Variants in USP45 observed in about 807,000 individuals in gnomAD.
USP45 encodes the protein ubiquitin specific peptidase 45.
USP45 carries 89 observed loss-of-function variants against 95.8 expected under a neutral mutation model. The observed-to-expected ratio is 0.93, with a 90% CI of 0.78 to 1.11. The LOEUF (loss-of-function observed/expected upper bound fraction) is 1.11. USP45 is among the 50% of genes least tolerant of loss of function. The pLI, the probability that USP45 is intolerant of heterozygous loss-of-function variation, is 0.00. For synonymous variants in USP45, 281 were observed against 316.2 expected (o/e 0.89, Z 1.18); for missense variants, 898 against 942.5 (o/e 0.95, Z 0.62).
intron 13 of USP45, among the ~76,000 whole-genome samples, chr6:99,451,546 G>C (rs1783838064): frequency 6.6e-6 from 1 of 152,158 alleles, no homozygotes; most frequent in African/African-American, 2.4e-5. Context: ...GAAACAAATG[G>C]AAGAACCTTC....
intron 8 of USP45, among the ~76,000 whole-genome samples, chr6:99,481,588 G>T (rs549085118): frequency 7.2e-5 from 11 of 152,214 alleles, no homozygotes; most frequent in African/African-American, 2.6e-4. Flanking sequence ...GTGATGCAAA[G>T]GTCCGGAGTA....
intron 4 of USP45, among the ~76,000 whole-genome samples, chr6:99,506,432 C>G (rs1372870862): frequency 6.6e-6 from 1 of 152,200 alleles, no homozygotes; most frequent in African/African-American, 2.4e-5. Flanking sequence ...CCTCAACCTC[C>G]TGAGCAGCTG....
chr6:99,450,441 G>T (rs1317895418), intron 13 of USP45, among the ~76,000 whole-genome samples: 1 of 152,090 alleles, frequency 6.6e-6, no homozygotes, highest in African/African-American at 2.4e-5. Context: ...TAGAAGAAAT[G>T]GATAAATTCC....
intron 5 of USP45, chr6:99,501,972 G>C (rs1176967376): frequency 7.7e-7 from 1 of 1,303,388 alleles, no homozygotes; most frequent in Non-Finnish European, 1.0e-6. Context: ...CCCCTAGACA[G>C]TTTATGCTGA....
chr6:99,511,292 C>G (rs1467255249), intron 1 of USP45, among the ~76,000 whole-genome samples: 1 of 151,978 alleles, frequency 6.6e-6, no homozygotes, highest in Admixed American at 6.6e-5. Flanking sequence ...GCTGGGATTA[C>G]AGGCGTGTGC....
At chr6:99,454,978 T>C (rs966217437) in intron 13 of USP45, among the ~76,000 whole-genome samples, 3 of 151,474 alleles carry the variant, frequency 2.0e-5, no homozygotes, top group Non-Finnish European at 2.9e-5. Flanking sequence ...TAATGCCAGC[T>C]ACTCGGGAGG....
chr6:99,448,603 C>T lies in USP45; in HGVS notation c.1309-2140G>A, dbSNP rs554866433. Among the ~76,000 whole-genome samples the T allele has an allele frequency of 1.1e-4, 17 of 152,258 alleles. No homozygotes were observed. The South Asian group carries it at 3.5e-3, about 32-fold the overall frequency. Reference sequence around the variant, plus strand: ...GACAGGGAGAATGGAAAACACTCTGCAGGATATTATCCAGGAGAACTTCCC... The same window carrying T: ...GACAGGGAGAATGGAAAACACTCTGTAGGATATTATCCAGGAGAACTTCCC... On this transcript the variant is annotated intron_variant, in intron 13 of 17. Transcript: ENST00000500704.
chr6:99,444,331 T>C (rs1227011192), intron 14 of USP45, among the ~76,000 whole-genome samples: 1 of 152,190 alleles, frequency 6.6e-6, no homozygotes, highest in Non-Finnish European at 1.5e-5. Flanking sequence ...TCTAAATTCC[T>C]AAGATTTATG....
At chr6:99,514,669 GA>G (rs5878584) in intron 1 of USP45, among the ~76,000 whole-genome samples, 129,541 of 151,898 alleles carry the variant, frequency 0.85, 55,953 homozygotes, top group East Asian at 1. Context: ...ATATCCTTAA[GA>G]AAAAAAAATC....
At position 99,434,702 on chromosome 6, in the gene USP45, G is replaced by A. The variant is rs994747361; in HGVS notation, c.*1014C>T. On this transcript the variant is annotated 3_prime_UTR_variant, in exon 18 of 18. Transcript: ENST00000500704. ...TTTCAAAACCCCAAAACTGTGTTTA[G>A]TATTTACAAGAAGTAGAAAAAGTAT... The A allele has an allele frequency of 2.6e-5, 4 of 152,152 alleles. No individual in the cohort carries two copies. The highest frequency in any genetic ancestry group is 5.9e-5 in the Non-Finnish European group (4 of 67,988). The allele number at this position is 152,152 out of a possible 1,614,324, so 9.4% of individuals were successfully genotyped here. A position where few individuals can be genotyped will look rare whatever the true frequency, so the allele number is the denominator to read the frequency against.
chr6:99,438,590 GATA>G (rs553662852), intron 16 of USP45, among the ~76,000 whole-genome samples: 2 of 152,072 alleles, frequency 1.3e-5, no homozygotes, highest in Non-Finnish European at 2.9e-5. Context: ...TCCTTATCTG[GATA>G]ATAATTGATT....
chr6:99,466,542 T>C, intron 11 of USP45, 130 bp downstream of exon 11: 1 of 706,554 alleles, frequency 1.4e-6, no homozygotes, highest in Non-Finnish European at 2.4e-6. Flanking sequence ...AAAAAGACTT[T>C]CAAGAATCAT....
chr6:99,460,403 A>G (rs1351594662), intron 13 of USP45, among the ~76,000 whole-genome samples: 1 of 152,192 alleles, frequency 6.6e-6, no homozygotes, highest in Admixed American at 6.5e-5. Flanking sequence ...AATTCCCAAG[A>G]GTAAATTGAG....
intron 16 of USP45, among the ~76,000 whole-genome samples, chr6:99,438,735 ATAT>A (rs1018953801): frequency 5.3e-5 from 8 of 152,156 alleles, no homozygotes; most frequent in African/African-American, 1.7e-4. Context: ...ACATAGTGAA[ATAT>A]TATGGGTGAA....
intron 8 of USP45, among the ~76,000 whole-genome samples, chr6:99,479,899 G>T (rs1791936902): frequency 6.6e-6 from 1 of 152,040 alleles, no homozygotes; most frequent in South Asian, 2.1e-4. Flanking sequence ...TGTATTGGTT[G>T]TCCCTGACAG....
At position 99,464,688 on chromosome 6, in the gene USP45, A is replaced by T. The variant is rs1562349344; in HGVS notation, c.1224T>A (p.Asp408Glu). Residue 408 changes from aspartate to glutamate, a missense_variant, in exon 13 of 18, where the codon GAT (aspartate) becomes GAA (glutamate). Physicochemically the swap from Asp to Glu is conservative, Grantham distance 45 (BLOSUM62 2). Coordinates refer to ENST00000500704, the MANE Select transcript of USP45 (RefSeq NM_001346022.3). Reference sequence around the variant, plus strand: ...TAACATTGCCACTGTATCGATCATGATCTGTCTCCCGTAAACTTCTATATT... The same window carrying T: ...TAACATTGCCACTGTATCGATCATGTTCTGTCTCCCGTAAACTTCTATATT... The part of the protein sequence containing the change: ...MNKYRSLRET[D>E]HDRYSGNVTI... 1.2e-6 allele frequency: 2 copies of T among 1,613,010 alleles called. No individual in the cohort carries two copies. The highest frequency in any genetic ancestry group is 1.7e-6 in the Non-Finnish European group (2 of 1,179,810).
chr6:99,494,755 A>G (rs1433871291), intron 5 of USP45, among the ~76,000 whole-genome samples: 1 of 152,060 alleles, frequency 6.6e-6, no homozygotes, highest in East Asian at 1.9e-4. Flanking sequence ...TTAGCTGGGC[A>G]TGGTGGCGCT....
chr6:99,516,424 G>A (rs961792930), upstream of USP45, among the ~76,000 whole-genome samples: 3 of 152,196 alleles, frequency 2.0e-5, no homozygotes, highest in African/African-American at 4.8e-5. Flanking sequence ...GAGCATTGGC[G>A]TAGAAATCAG....
chr6:99,484,003 A>ATTTTT (rs1793130246), intron 7 of USP45, among the ~76,000 whole-genome samples: 2 of 40,964 alleles, frequency 4.9e-5, no homozygotes, highest in African/African-American at 2.8e-4. Flanking sequence ...AATTTTCCAT[A>ATTTTT]GTTTTTTTTT....
Sources: allele counts gnomAD v4.1 joint callset (sites outside exome capture counted in the v4.1 genomes callset), GRCh38; gene constraint gnomAD v4.1.1; transcripts MANE v1.5; gene names NCBI Gene and HGNC (gene_info 2026-07-23, HGNC 2026-07-21).